The following TRIP12 variants were observed in gnomAD, a reference collection of about 807,000 sequenced individuals.
The protein encoded by TRIP12 is thyroid hormone receptor interactor 12.
Under a neutral mutation model 244.2 loss-of-function variants are expected in TRIP12, and 25 were observed. That is an observed-to-expected ratio of 0.10 (90% CI 0.07 to 0.14). TRIP12 has a LOEUF of 0.14. Ranked by LOEUF, TRIP12 falls within the 10% of genes least tolerant of loss-of-function variation. TRIP12 has a pLI of 1.00. For missense variants in TRIP12, 1,677 were observed against 2,486.4 expected, an observed-to-expected ratio of 0.67 and a Z score of 6.92; for synonymous variants, 905 against 873.1, an observed-to-expected ratio of 1.04 and a Z score of -0.64.
chr2:229,785,957 A>G, intron 33 of TRIP12, 102 bp from the exon 34 acceptor site: 1 of 1,024,516 alleles, frequency 9.8e-7, no homozygotes, highest in Non-Finnish European at 1.4e-6. Flanking sequence ...GATCAACTCA[A>G]TTGTTAACAC....
intron 4 of TRIP12, among the ~76,000 whole-genome samples, chr2:229,857,968 G>A (rs1032781334): frequency 2.2e-4 from 33 of 152,160 alleles, no homozygotes; most frequent in African/African-American, 7.5e-4. Flanking sequence ...CTCCTTAAAA[G>A]ACTGTGAGAT....
At position 229,769,398 on chromosome 2, in the gene TRIP12, C is replaced by T. The variant is rs10174776; in HGVS notation, c.5809-73G>A. 3.3e-3 allele frequency: 4,604 copies of T among 1,389,016 alleles called. 127 individuals carry two copies. In the African/African-American group the frequency reaches 0.059, roughly 18 times the overall value. The allele number at this position is 1,389,016 out of a possible 1,614,324, so 86.0% of individuals were successfully genotyped here. On this transcript the variant is annotated intron_variant, in intron 39 of 41. Coordinates refer to ENST00000675903, the MANE Select transcript of TRIP12 (RefSeq NM_001348323.3). ...TTACGTGAGTGAAAATAAAGGTCTACGTGTACCATAAAAGAGTATCAGTCT... is the reference window on the plus strand; with the variant it reads ...TTACGTGAGTGAAAATAAAGGTCTATGTGTACCATAAAAGAGTATCAGTCT...
chr2:229,860,532 C>A lies in TRIP12; in HGVS notation c.99-1G>T. On this transcript the variant is annotated splice_acceptor_variant, in intron 2 of 41. Coordinates refer to ENST00000675903, the MANE Select transcript of TRIP12 (RefSeq NM_001348323.3). LOFTEE classifies it high-confidence loss of function. ...ATGTTTTGCCTGCCCTAAATGTGAC[C>A]TGTCAGCAGAAAATCAAAACAGAAA... 6.3e-7 allele frequency: 1 copy of A among 1,588,502 alleles called. No individual in the cohort carries two copies. The highest frequency in any genetic ancestry group is 1.2e-5 in the South Asian group (1 of 85,632).
intron 13 of TRIP12, among the ~76,000 whole-genome samples, chr2:229,812,389 G>GT (rs1349989418): frequency 6.6e-6 from 1 of 152,142 alleles, no homozygotes; most frequent in East Asian, 1.9e-4. Context: ...AGCCAACTAT[G>GT]TTTTTTAAAA....
chr2:229,770,709 C>G (rs1034564521), intron 39 of TRIP12, among the ~76,000 whole-genome samples: 10 of 152,264 alleles, frequency 6.6e-5, no homozygotes, highest in East Asian at 1.9e-4. Flanking sequence ...ACAATTCCCA[C>G]CTGCTGTGGG....
At chr2:229,922,463 C>T (rs763506243), upstream of TRIP12, 12 of 1,595,716 alleles carry the variant, frequency 7.5e-6, no homozygotes, top group Admixed American at 1.0e-4. Flanking sequence ...TTGACCCCAA[C>T]CAAGCCCCGC....
chr2:229,873,224 CCT>C (rs2062997782), intron 2 of TRIP12, among the ~76,000 whole-genome samples: 1 of 152,100 alleles, frequency 6.6e-6, no homozygotes, highest in Non-Finnish European at 1.5e-5. Flanking sequence ...CACTCTTTCC[CCT>C]GATGGTGATA....
intron 27 of TRIP12, 44 bp from the exon 28 acceptor site, chr2:229,792,270 G>T: frequency 6.5e-7 from 1 of 1,532,848 alleles, no homozygotes; most frequent in Non-Finnish European, 8.9e-7. Context: ...GATTTTAGGT[G>T]TAAAAAAAAA....
intron 25 of TRIP12, among the ~76,000 whole-genome samples, 186 bp from the exon 26 acceptor site, chr2:229,795,516 T>C (rs932036390): frequency 5.3e-5 from 8 of 152,226 alleles, no homozygotes; most frequent in African/African-American, 1.9e-4. Flanking sequence ...AACTGTTTTG[T>C]ACAGCCCACA....
At chr2:229,904,341 C>T (rs1335473143) in intron 1 of TRIP12, among the ~76,000 whole-genome samples, 1 of 148,606 alleles carries the variant, frequency 6.7e-6, no homozygotes. Flanking sequence ...TCGCTTGAAC[C>T]CAGGAGGTAC....
intron 30 of TRIP12, among the ~76,000 whole-genome samples, chr2:229,790,450 A>G (rs528434911): frequency 9.9e-5 from 15 of 151,820 alleles, no homozygotes; most frequent in African/African-American, 2.2e-4. Flanking sequence ...TAGTTTTGTG[A>G]AAAAAAAGTG....
At position 229,769,311 on chromosome 2, in the gene TRIP12, A is replaced by G. The variant is rs371664085; in HGVS notation, c.5823T>C (p.Leu1941=). The G allele has an allele frequency of 3.2e-5, 51 of 1,613,960 alleles. No homozygotes were observed. In the African/African-American group the frequency reaches 3.5e-4, roughly 11 times the overall value. ...YFYPEELDQL[L]CGSKADTWDA... Reference sequence around the variant, plus strand: ...CCCAAGTGTCTGCTTTACTGCCACAAAGGAGCTGATCCAGCTGTGAGTTTA... The same window carrying G: ...CCCAAGTGTCTGCTTTACTGCCACAGAGGAGCTGATCCAGCTGTGAGTTTA... The change falls in exon 40 of 42, where the codon CTT becomes CTC. Residue 1941 remains leucine (L), a synonymous_variant. Coordinates refer to ENST00000675903, the MANE Select transcript of TRIP12 (RefSeq NM_001348323.3).
intron 8 of TRIP12, among the ~76,000 whole-genome samples, chr2:229,819,950 T>TACC (rs1242618997): frequency 6.6e-6 from 1 of 152,202 alleles, no homozygotes; most frequent in Non-Finnish European, 1.5e-5. Flanking sequence ...GCTGCCTACC[T>TACC]ACCTTTACCA....
intron 6 of TRIP12, among the ~76,000 whole-genome samples, chr2:229,831,867 T>G (rs1336208474): frequency 1.6e-5 from 2 of 128,706 alleles, no homozygotes; most frequent in African/African-American, 3.4e-5. Flanking sequence ...GGTCAAAGGT[T>G]TTTTTTGTTT....
intron 34 of TRIP12, among the ~76,000 whole-genome samples, chr2:229,781,465 C>G (rs1352126721): frequency 6.6e-6 from 1 of 152,170 alleles, no homozygotes; most frequent in Non-Finnish European, 1.5e-5. Context: ...ATGTAAAGGG[C>G]TGAGAGGACA....
chr2:229,849,788 G>C (rs2058294724), intron 4 of TRIP12, among the ~76,000 whole-genome samples: 1 of 152,044 alleles, frequency 6.6e-6, no homozygotes, highest in Non-Finnish European at 1.5e-5. Context: ...TGGGAACACT[G>C]TTTGAATCTT....
At chr2:229,876,713 G>A (rs1423599048) in intron 2 of TRIP12, among the ~76,000 whole-genome samples, 2 of 152,194 alleles carry the variant, frequency 1.3e-5, no homozygotes, top group African/African-American at 4.8e-5. Context: ...AGGCTGGAAT[G>A]CACTGGCGTG....
At chr2:229,895,704 G>A (rs1487329404) in intron 1 of TRIP12, among the ~76,000 whole-genome samples, 1 of 151,752 alleles carries the variant, frequency 6.6e-6, no homozygotes, top group Non-Finnish European at 1.5e-5. Flanking sequence ...TCCAGAAGTA[G>A]AAGAGTGAAG....
At chr2:229,862,260 G>C (rs756147880) in intron 2 of TRIP12, among the ~76,000 whole-genome samples, 2 of 152,120 alleles carry the variant, frequency 1.3e-5, no homozygotes, top group African/African-American at 2.4e-5. Flanking sequence ...GTTTATTAGA[G>C]ATTTAATTTC....
Sources: allele counts gnomAD v4.1 joint callset (sites outside exome capture counted in the v4.1 genomes callset), GRCh38; gene constraint gnomAD v4.1.1; transcripts MANE v1.5; gene names NCBI Gene and HGNC (gene_info 2026-07-23, HGNC 2026-07-21).